The following ABLIM2 variants were observed in gnomAD, a reference collection of about 807,000 sequenced individuals.
ABLIM2 encodes the protein actin-binding LIM protein 2.
A neutral mutation model predicts 97.7 loss-of-function variants in ABLIM2; 53 were observed. The ratio of observed to expected loss-of-function variants is 0.54; its 90% CI spans 0.44 to 0.68. The LOEUF (loss-of-function observed/expected upper bound fraction) is 0.68, where lower values mean the gene tolerates loss of function less well. Ranked by LOEUF, ABLIM2 falls within the 30% of genes least tolerant of loss-of-function variation. The probability of loss-of-function intolerance (pLI) is 0.00; values close to 1 mark genes in which losing one functional copy is unlikely to be tolerated. For synonymous variants in ABLIM2, 361 were observed against 345.8 expected, an observed-to-expected ratio of 1.04 and a Z score of -0.49; for missense variants, 835 against 867.2, an observed-to-expected ratio of 0.96 and a Z score of 0.47.
intron 14 of ABLIM2, among the ~76,000 whole-genome samples, chr4:8,014,324 A>G (rs1022501510): frequency 6.6e-6 from 1 of 152,240 alleles, no homozygotes; most frequent in Admixed American, 6.5e-5. Flanking sequence ...GGAGGCTTTG[A>G]GGATTTGTCC....
In ABLIM2 at chr4:8,032,730, A is replaced by C. The variant is rs1781756135; in HGVS notation, c.1048-2954T>G. 1 of 1,606,662 alleles carries C rather than the reference A, an allele frequency of 6.2e-7. No homozygotes were observed. The highest frequency in any genetic ancestry group is 1.3e-5 in the African/African-American group (1 of 74,344). ...CCATTAGTGCTGGCGCCAGGCAGAG[A>C]GGGAGGAGGGCAGTTCCGTGACTGG... On this transcript the variant is annotated intron_variant, in intron 10 of 20. Transcript: ENST00000447017. The surrounding 1 kb of genome is among the most constrained non-coding windows in gnomAD (Gnocchi z 4.3).
intron 1 of ABLIM2, among the ~76,000 whole-genome samples, chr4:8,119,406 C>A (rs1844296291): frequency 6.8e-6 from 1 of 146,886 alleles, no homozygotes; most frequent in South Asian, 2.1e-4. Flanking sequence ...TGGCTCAGTG[C>A]AACCTCCGCT....
At chr4:8,018,857 C>T (rs1460622251) in intron 14 of ABLIM2, among the ~76,000 whole-genome samples, 1 of 152,188 alleles carries the variant, frequency 6.6e-6, no homozygotes, top group East Asian at 1.9e-4. Context: ...CTTCCCTATT[C>T]GATATCCCAT....
At chr4:8,098,589 G>A (rs1832867141) in intron 2 of ABLIM2, among the ~76,000 whole-genome samples, 2 of 152,200 alleles carry the variant, frequency 1.3e-5, no homozygotes, top group Admixed American at 1.3e-4. Context: ...AGAGATGTTA[G>A]CTCTTCTGAT....
intron 1 of ABLIM2, among the ~76,000 whole-genome samples, chr4:8,118,119 G>A (rs1195233297): frequency 1.3e-5 from 2 of 152,246 alleles, no homozygotes; most frequent in Admixed American, 1.3e-4. Context: ...TGCGCAGGAA[G>A]GCTGCGGCTG....
chr4:8,006,989 C>T, intron 16 of ABLIM2: 2 of 983,116 alleles, frequency 2.0e-6, no homozygotes, highest in Non-Finnish European at 2.4e-6. Context: ...GGTGCACAGA[C>T]ACCTGCTTAC....
intron 12 of ABLIM2, among the ~76,000 whole-genome samples, chr4:8,027,376 C>T (rs1041305536): frequency 1.3e-5 from 2 of 152,164 alleles, no homozygotes; most frequent in African/African-American, 2.4e-5. Context: ...CTCCGTACAG[C>T]GTAGCTTCTG....
intron 16 of ABLIM2, among the ~76,000 whole-genome samples, chr4:7,997,705 G>T (rs1333049248): frequency 6.6e-6 from 1 of 152,114 alleles, no homozygotes; most frequent in Non-Finnish European, 1.5e-5. Context: ...CTGGGTGGGA[G>T]ATGTGGGGTT....
chr4:8,102,714 A>C (rs1835288025), intron 2 of ABLIM2, among the ~76,000 whole-genome samples: 1 of 152,208 alleles, frequency 6.6e-6, no homozygotes, highest in Non-Finnish European at 1.5e-5. Flanking sequence ...GGCACAAGTA[A>C]GTGCCTGGGT....
At chr4:8,079,690 C>T (rs182301498) in intron 5 of ABLIM2, among the ~76,000 whole-genome samples, 12 of 152,272 alleles carry the variant, frequency 7.9e-5, no homozygotes, top group African/African-American at 2.6e-4. Context: ...GAAGTCAACA[C>T]GGGCACATCC....
Position 8,015,332 on chromosome 4 carries a change from G to A in ABLIM2, c.1423+4286C>T, listed in dbSNP as rs1219040136. ...TTCCTTCAGAGCCCCAAAATGCGTC[G>A]GCCATGAGGAACCCTCTAGGGAGAG... On this transcript the variant is annotated intron_variant, in intron 14 of 20. Transcript: ENST00000447017. The surrounding 1 kb of genome is among the most constrained non-coding windows in gnomAD (Gnocchi z 4.6). Among the ~76,000 whole-genome samples, 2 of 151,900 alleles carry A rather than the reference G, an allele frequency of 1.3e-5. No homozygotes were observed. Among genetic ancestry groups the A allele is most frequent in the Non-Finnish European group, 2.9e-5 (2 of 67,984 alleles).
chr4:8,045,342 T>C, intron 8 of ABLIM2, 101 bp from the exon 9 acceptor site: 7 of 1,097,410 alleles, frequency 6.4e-6, no homozygotes, highest in Non-Finnish European at 9.8e-6. Flanking sequence ...GCCAGCGCAC[T>C]GCGGTGTTTC....
intron 8 of ABLIM2, among the ~76,000 whole-genome samples, chr4:8,045,679 A>G (rs1056727962): frequency 6.6e-6 from 1 of 152,060 alleles, no homozygotes; most frequent in African/African-American, 2.4e-5. Flanking sequence ...TAAATAAATA[A>G]ATAAAGTTGG....
At position 8,091,326 on chromosome 4, in the gene ABLIM2, TATATTA is replaced by T. The variant is rs1173849848; in HGVS notation, c.339-3048_339-3043del. ...TATATTATATATATATAATTATATATATATTATATATATAATATATATATAATTATA... is the reference window on the plus strand; with the variant it reads ...TATATTATATATATATAATTATATATTATATATAATATATATATAATTATA... On this transcript the variant is annotated intron_variant, in intron 3 of 20. Transcript: ENST00000447017. Among the ~76,000 whole-genome samples, 16 of 26,318 alleles carry T rather than the reference TATATTA, an allele frequency of 6.1e-4. 1 individual carries two copies. The highest frequency in any genetic ancestry group is 9.0e-4 in the East Asian group (1 of 1,110). The allele number at this position is 26,318 out of a possible 152,430, so 17.3% of individuals were successfully genotyped here. A position where few individuals can be genotyped will look rare whatever the true frequency, so the allele number is the denominator to read the frequency against.
chr4:8,134,926 A>G (rs1849968289), intron 1 of ABLIM2, among the ~76,000 whole-genome samples: 1 of 152,250 alleles, frequency 6.6e-6, no homozygotes, highest in African/African-American at 2.4e-5. Context: ...CTAGGTGCAC[A>G]CAAGGTGTGC....
chr4:8,104,895 C>T (rs986539568), intron 2 of ABLIM2, among the ~76,000 whole-genome samples: 9 of 152,170 alleles, frequency 5.9e-5, no homozygotes, highest in Admixed American at 2.6e-4. Flanking sequence ...AGACATGAAC[C>T]GGACTAGTGG....
Position 7,999,947 on chromosome 4 carries a change from T to C in ABLIM2, c.1619-7020A>G, listed in dbSNP as rs1460397584. ...GCTCATCAGAGGTCAAAGTCACCGC[T>C]GGACATTCAAGGCCGGGCACCTTGT... On this transcript the variant is annotated intron_variant, in intron 16 of 20. Coordinates refer to ENST00000447017, the MANE Select transcript of ABLIM2 (RefSeq NM_001130083.2). The surrounding 1 kb of genome is among the most constrained non-coding windows in gnomAD (Gnocchi z 4.4). 2.0e-5 allele frequency among the ~76,000 whole-genome samples: 3 copies of C among 152,190 alleles called. No individual in the cohort carries two copies. The highest frequency in any genetic ancestry group is 2.9e-5 in the Non-Finnish European group (2 of 68,022).
Position 8,036,201 on chromosome 4 carries a change from G to C in ABLIM2, c.995C>G (p.Ser332Cys), listed in dbSNP as rs1290945805. 1 of 1,613,954 alleles carries C rather than the reference G, an allele frequency of 6.2e-7. No individual in the cohort carries two copies. The highest frequency in any genetic ancestry group is 8.5e-7 in the Non-Finnish European group (1 of 1,179,832). Residue 332 changes from serine (S) to cysteine (C), a missense_variant, in exon 10 of 21, where the codon TCC becomes TGC. Transcript: ENST00000447017. Reference sequence around the variant, plus strand: ...AGAGTGGCTGATGTAGGGTGAGTAGGAGATCATGTCGGGGCGGTCGATGTC... The same window carrying C: ...AGAGTGGCTGATGTAGGGTGAGTAGCAGATCATGTCGGGGCGGTCGATGTC... ...IYDIDRPDMI[S>C]YSPYISHSAG...
rs141092002 is a variant in ABLIM2, at chr4:8,124,542, C to G, written c.11-17905G>C. 6.6e-6 allele frequency among the ~76,000 whole-genome samples: 1 copy of G among 152,096 alleles called. No individual in the cohort carries two copies. Among genetic ancestry groups the G allele is most frequent in the East Asian group, 1.9e-4 (1 of 5,184 alleles). ...TTCGCGACTGGCTTCTTTCACTCGG[C>G]GTCATGTTTTCAGGGAGTGTCCGTG... On this transcript the variant is annotated intron_variant, in intron 1 of 20. Coordinates refer to ENST00000447017, the MANE Select transcript of ABLIM2 (RefSeq NM_001130083.2). The surrounding 1 kb of genome is among the most constrained non-coding windows in gnomAD (Gnocchi z 6.1).
Sources: allele counts gnomAD v4.1 joint callset (sites outside exome capture counted in the v4.1 genomes callset), GRCh38; gene constraint gnomAD v4.1.1; non-coding constraint Gnocchi (gnomAD v3.1); transcripts MANE v1.5; gene names NCBI Gene and HGNC (gene_info 2026-07-23, HGNC 2026-07-21).